HAND2: variants seen among roughly 807,000 people sequenced by gnomAD.
HAND2 encodes heart and neural crest derivatives expressed 2.
A neutral mutation model predicts 14.7 loss-of-function variants in HAND2; 2 were observed. The observed-to-expected ratio is 0.14, with a 90% CI of 0.06 to 0.43. The LOEUF (loss-of-function observed/expected upper bound fraction) is 0.43, where lower values mean the gene tolerates loss of function less well. Ranked by LOEUF, HAND2 falls within the 20% of genes least tolerant of loss-of-function variation. The pLI is 0.99. For missense variants in HAND2, 275 were observed against 313.6 expected (o/e 0.88, Z 0.93); for synonymous variants, 162 against 135.9 (o/e 1.19, Z -1.34).
rs766164022 is a variant in HAND2 at position 173,528,255 on chromosome 4, G to A, written c.555+480C>T. ...GTATGAGAACAACCACAAAACTCAG[G>A]GCTCAGTCTCTGGCAGCCTCCTTCT... On this transcript the variant is annotated intron_variant, in intron 1 of 1. Coordinates refer to ENST00000359562, the MANE Select transcript of HAND2 (RefSeq NM_021973.3). This position sits in a 1 kb window ranked among gnomAD's most constrained non-coding sequence, Gnocchi z 5.6. 58 of 163,130 alleles carry A rather than the reference G, an allele frequency of 3.6e-4. No individual in the cohort carries two copies. Among genetic ancestry groups the A allele is most frequent in the Non-Finnish European group, 6.8e-4 (51 of 74,782 alleles). 10.1% of individuals were successfully genotyped at this position (163,130 alleles called of 1,614,324 possible).
In HAND2 at chr4:173,528,492, T is replaced by C. The variant is rs986674407; in HGVS notation, c.555+243A>G. The C allele has an allele frequency of 1.8e-6, 1 of 559,834 alleles. No individual in the cohort carries two copies. Among genetic ancestry groups the C allele is most frequent in the Non-Finnish European group, 3.2e-6 (1 of 311,068 alleles). The allele number at this position is 559,834 out of a possible 1,614,324, so 34.7% of individuals were successfully genotyped here. ...GTCCTAAGTACTAGGGGAGCAGCGA[T>C]AACCCGGAGGTAAGATCACCAGCGC... On this transcript the variant is annotated intron_variant, in intron 1 of 1. Coordinates refer to ENST00000359562, the MANE Select transcript of HAND2 (RefSeq NM_021973.3). This position sits in a 1 kb window ranked among gnomAD's most constrained non-coding sequence, Gnocchi z 5.6.
chr4:173,526,869 A>C lies in HAND2; in HGVS notation c.*408T>G. 2.3e-6 allele frequency: 1 copy of C among 431,516 alleles called. No individual in the cohort carries two copies. The highest frequency in any genetic ancestry group is 4.6e-6 in the Non-Finnish European group (1 of 215,430). The allele number at this position is 431,516 out of a possible 1,614,324, so 26.7% of individuals were successfully genotyped here. A position where few individuals can be genotyped will look rare whatever the true frequency, so the allele number is the denominator to read the frequency against. ...ATTTATATCCAAAGGCCAAGTATTA[A>C]AGATACACTTCACAAACGCACTAGT... On this transcript the variant is annotated 3_prime_UTR_variant, in exon 2 of 2. Transcript: ENST00000359562.
intron 1 of HAND2, chr4:173,527,584 A>G (rs1051470485): frequency 1.9e-5 from 11 of 594,554 alleles, no homozygotes; most frequent in Non-Finnish European, 3.0e-5. Flanking sequence ...TGCAGCGCTC[A>G]ACAACCGGAT....
intron 1 of HAND2, chr4:173,527,832 G>C (rs939992932): frequency 5.7e-6 from 1 of 175,624 alleles, no homozygotes; most frequent in African/African-American, 2.4e-5. Context: ...TCTCCTCCAA[G>C]GCTTCTGAAA....
rs773029738 is a variant in HAND2 at position 173,528,797 on chromosome 4, C to T, written c.493G>A (p.Glu165Lys). 1 of 1,614,238 alleles carries T rather than the reference C, an allele frequency of 6.2e-7. No homozygotes were observed. The highest frequency in any genetic ancestry group is 8.5e-7 in the Non-Finnish European group (1 of 1,180,038). ...TTCTTGATCTCTGCCTTGAAGGCCT[C>T]CGCCTCGCCATTCTGGTCGTCCTTG... Reference protein sequence around the residue: ...LAKDDQNGEAEAFKAEIKKTD... With the variant: ...LAKDDQNGEAKAFKAEIKKTD... The change falls in exon 1 of 2, where the codon GAG becomes AAG. Residue 165 changes from glutamate (E) to lysine (K), a missense_variant. Transcript: ENST00000359562. The surrounding 1 kb of genome is among the most constrained non-coding windows in gnomAD (Gnocchi z 5.6).
rs1731631344 is a variant in HAND2, at chr4:173,529,423, C to T, written c.-134G>A. ...CAGCCCCCGGGCGCCCGGGCCCGCC[C>T]GGCAGCCGCAGAGGGGGCTGCTGCA... is the stretch of plus-strand genomic sequence containing the variant. On this transcript the variant is annotated 5_prime_UTR_variant, in exon 1 of 2. Transcript: ENST00000359562. 2 of 381,754 alleles carry T rather than the reference C, an allele frequency of 5.2e-6. No individual in the cohort carries two copies. The highest frequency in any genetic ancestry group is 1.2e-4 in the South Asian group (1 of 8,586). The allele number at this position is 381,754 out of a possible 1,614,324, so 23.6% of individuals were successfully genotyped here. A position where few individuals can be genotyped will look rare whatever the true frequency, so the allele number is the denominator to read the frequency against.
chr4:173,528,367 A>C lies in HAND2; in HGVS notation c.555+368T>G. 4.1e-6 allele frequency: 1 copy of C among 245,644 alleles called. No homozygotes were observed. Among genetic ancestry groups the C allele is most frequent in the East Asian group, 1.1e-4 (1 of 9,286 alleles). The allele number at this position is 245,644 out of a possible 1,614,324, so 15.2% of individuals were successfully genotyped here. On this transcript the variant is annotated intron_variant, in intron 1 of 1. Transcript: ENST00000359562. This position sits in a 1 kb window ranked among gnomAD's most constrained non-coding sequence, Gnocchi z 5.6. ...CTTATTCTGGAAACATCTGAAAGCAAGATTGGATTGGAGGCCAAAAGAAGG... is the reference window on the plus strand; with the variant it reads ...CTTATTCTGGAAACATCTGAAAGCACGATTGGATTGGAGGCCAAAAGAAGG...
Position 173,529,992 on chromosome 4 carries a change from C to T in HAND2, c.-703G>A, listed in dbSNP as rs978454578. ...GAGTAACGTGTCCTCGCTCCTCTCG[C>T]GCTCTCTCGGAGGGTTTTCAGAGAG... On this transcript the variant is annotated 5_prime_UTR_variant, in exon 1 of 2. Coordinates refer to ENST00000359562, the MANE Select transcript of HAND2 (RefSeq NM_021973.3). The T allele has an allele frequency of 6.6e-6, 1 of 152,156 alleles. No homozygotes were observed. The highest frequency in any genetic ancestry group is 1.5e-5 in the Non-Finnish European group (1 of 68,042). 9.4% of individuals were successfully genotyped at this position (152,156 alleles called of 1,614,324 possible).
Position 173,529,384 on chromosome 4 carries a change from C to G in HAND2, c.-95G>C, listed in dbSNP as rs1352684523. 1 of 898,118 alleles carries G rather than the reference C, an allele frequency of 1.1e-6. No individual in the cohort carries two copies. The highest frequency in any genetic ancestry group is 4.2e-5 in the East Asian group (1 of 23,688). The allele number at this position is 898,118 out of a possible 1,614,324, so 55.6% of individuals were successfully genotyped here. On this transcript the variant is annotated 5_prime_UTR_variant, in exon 1 of 2. Transcript: ENST00000359562. ...TGCCTCAGCGCTCGGCGTCCTCCCC[C>G]ACCCCCCACCCCCCAGCCCCCGGGC...
At position 173,528,745 on chromosome 4, in the gene HAND2, T is replaced by C; in HGVS notation, c.545A>G (p.Lys182Arg). ...CCCCCTGGTACTGACCAGCTCCTTC[T>C]TCCTCTTCTCCTCTTTCACGTCGGT... ...KKTDVKEEKR[K>R]KELNEILKST... The change falls in exon 1 of 2, where the codon AAG becomes AGG. Residue 182 changes from lysine (K) to arginine (R), a missense_variant. This residue lies in a region of HAND2 where 54 missense variants were observed against 54.3 expected (regional missense o/e 0.99). Coordinates refer to ENST00000359562, the MANE Select transcript of HAND2 (RefSeq NM_021973.3). The surrounding 1 kb of genome is among the most constrained non-coding windows in gnomAD (Gnocchi z 5.6). 6.2e-7 allele frequency: 1 copy of C among 1,613,690 alleles called. No individual in the cohort carries two copies. Among genetic ancestry groups the C allele is most frequent in the South Asian group, 1.1e-5 (1 of 91,018 alleles).
chr4:173,529,348 G>C lies in HAND2; in HGVS notation c.-59C>G, dbSNP rs1731622178. On this transcript the variant is annotated 5_prime_UTR_variant, in exon 1 of 2. Coordinates refer to ENST00000359562, the MANE Select transcript of HAND2 (RefSeq NM_021973.3). ...TGCGCGCAGCCCCGCCGCGCCCTCG[G>C]CCCGGGCCCCTGCCTCAGCGCTCGG... 1 of 1,215,702 alleles carries C rather than the reference G, an allele frequency of 8.2e-7. No individual in the cohort carries two copies. The highest frequency in any genetic ancestry group is 3.2e-5 in the East Asian group (1 of 30,816). The allele number at this position is 1,215,702 out of a possible 1,614,324, so 75.3% of individuals were successfully genotyped here.
rs1198488806 is a variant in HAND2 at position 173,527,068 on chromosome 4, A to C, written c.*209T>G. ...ATGGAATGCTTTTCTTCAAATATCC[A>C]CTTTTTTTTTGGAGGGGGAGACGGG... On this transcript the variant is annotated 3_prime_UTR_variant, in exon 2 of 2. Transcript: ENST00000359562. 1.4e-6 allele frequency: 1 copy of C among 695,732 alleles called. No individual in the cohort carries two copies. Among genetic ancestry groups the C allele is most frequent in the South Asian group, 1.5e-5 (1 of 66,720 alleles). The allele number at this position is 695,732 out of a possible 1,614,324, so 43.1% of individuals were successfully genotyped here.
At chr4:173,527,542 C>A (rs1052278648) in intron 1 of HAND2, 167 bp from the exon 2 acceptor site, 3 of 666,118 alleles carry the variant, frequency 4.5e-6, no homozygotes, top group Non-Finnish European at 5.4e-6. Context: ...CCAAGGTTAG[C>A]GCTACCCTAG....
In HAND2 at chr4:173,526,979, C is replaced by T. The variant is rs1287119248; in HGVS notation, c.*298G>A. ...ACACAGCCAAGAGGGAACATTCACG[C>T]ACACAGAATCTATGAGACGACGGGA... On this transcript the variant is annotated 3_prime_UTR_variant, in exon 2 of 2. Transcript: ENST00000359562. The T allele has an allele frequency of 1.7e-6, 1 of 586,018 alleles. No homozygotes were observed. Among genetic ancestry groups the T allele is most frequent in the Non-Finnish European group, 3.2e-6 (1 of 310,708 alleles). 36.3% of individuals were successfully genotyped at this position (586,018 alleles called of 1,614,324 possible). A position where few individuals can be genotyped will look rare whatever the true frequency, so the allele number is the denominator to read the frequency against.
chr4:173,527,822 T>C (rs1318214796), intron 1 of HAND2: 18 of 178,664 alleles, frequency 1.0e-4, no homozygotes, highest in Admixed American at 7.6e-4. Context: ...CAGCAGTGCC[T>C]CTCCTCCAAG....
rs746768281 is a variant in HAND2, at chr4:173,529,188, G to A, written c.102C>T (p.Arg34=). ...AGTAGGGGTTCTCCTCATGGCTGCA[G>A]CGGCTGGCGGCGGCGGCGGCAGCTG... ...AAAAAAAAAS[R]CSHEENPYFH... is the part of the protein sequence containing the mutation. The change falls in exon 1 of 2, where the codon CGC becomes CGT. Residue 34 remains arginine (R), a synonymous_variant. Transcript: ENST00000359562. 4 of 1,439,796 alleles carry A rather than the reference G, an allele frequency of 2.8e-6. No individual in the cohort carries two copies. In the African/African-American group the frequency reaches 6.0e-5, roughly 22 times the overall value. 89.2% of individuals were successfully genotyped at this position (1,439,796 alleles called of 1,614,324 possible). A position where few individuals can be genotyped will look rare whatever the true frequency, so the allele number is the denominator to read the frequency against.
At position 173,529,962 on chromosome 4, in the gene HAND2, G is replaced by A. The variant is rs1378228251; in HGVS notation, c.-673C>T. ...GTTTTGGTCCTTAAATGTGATTTTA[G>A]CTGCGAGTAACGTGTCCTCGCTCCT... On this transcript the variant is annotated 5_prime_UTR_variant, in exon 1 of 2. Coordinates refer to ENST00000359562, the MANE Select transcript of HAND2 (RefSeq NM_021973.3). 1 of 151,996 alleles carries A rather than the reference G, an allele frequency of 6.6e-6. No homozygotes were observed. Among genetic ancestry groups the A allele is most frequent in the Admixed American group, 6.6e-5 (1 of 15,264 alleles). 9.4% of individuals were successfully genotyped at this position (151,996 alleles called of 1,614,324 possible).
rs1731447628 is a variant in HAND2 at position 173,526,174 on chromosome 4, ACTC to A, written c.*1100_*1102del. 6.6e-6 allele frequency: 1 copy of A among 151,472 alleles called. No homozygotes were observed. Among genetic ancestry groups the A allele is most frequent in the South Asian group, 2.1e-4 (1 of 4,766 alleles). The allele number at this position is 151,472 out of a possible 1,614,324, so 9.4% of individuals were successfully genotyped here. The stretch of plus-strand genomic sequence containing the variant: ...CAATAATGCCGGGGTTCTCCTCACA[ACTC>A]CTCCACCAGAAACACTCTCCAAACA... On this transcript the variant is annotated 3_prime_UTR_variant, in exon 2 of 2. Transcript: ENST00000359562.
At position 173,530,103 on chromosome 4, in the gene HAND2, G is replaced by A. The variant is rs1731668854; in HGVS notation, c.-814C>T. On this transcript the variant is annotated 5_prime_UTR_variant, in exon 1 of 2. Transcript: ENST00000359562. This position sits in a 1 kb window ranked among gnomAD's most constrained non-coding sequence, Gnocchi z 6.2. ...ATGAGCCTTGGAGCTCGAAGACCGC[G>A]GCTCGGGCTCTCGGAGGGCTCTGCG... 6.6e-6 allele frequency: 1 copy of A among 152,030 alleles called. No individual in the cohort carries two copies. The highest frequency in any genetic ancestry group is 1.5e-5 in the Non-Finnish European group (1 of 68,026). 9.4% of individuals were successfully genotyped at this position (152,030 alleles called of 1,614,324 possible). A position where few individuals can be genotyped will look rare whatever the true frequency, so the allele number is the denominator to read the frequency against.
Sources: allele counts gnomAD v4.1 joint callset, GRCh38; gene constraint gnomAD v4.1.1; regional missense constraint gnomAD v4.1.1; non-coding constraint Gnocchi (gnomAD v3.1); transcripts MANE v1.5; gene names NCBI Gene and HGNC (gene_info 2026-07-23, HGNC 2026-07-21).